The following NAV3 variants were observed in gnomAD, a reference collection of about 807,000 sequenced individuals.
The protein encoded by NAV3 is pore membrane and/or filament interacting like protein 1.
NAV3 carries 87 observed loss-of-function variants against 244.7 expected under a neutral mutation model. That is an observed-to-expected ratio of 0.36 (90% CI 0.30 to 0.42). The LOEUF is 0.42. Among genes scored for constraint, NAV3 ranks in the 20% least tolerant of loss-of-function variants. NAV3 has a pLI of 1.00. For synonymous variants in NAV3, 1,126 were observed against 1,042.2 expected, an observed-to-expected ratio of 1.08 and a Z score of -1.55; for missense variants, 2,663 against 2,893.3, an observed-to-expected ratio of 0.92 and a Z score of 1.83.
chr12:77,918,496 A>G (rs955891199), intron 1 of NAV3, among the ~76,000 whole-genome samples: 15 of 152,136 alleles, frequency 9.9e-5, no homozygotes, highest in African/African-American at 3.1e-4. Flanking sequence ...ATACAAACCC[A>G]AAACTCCATG....
intron 9 of NAV3, among the ~76,000 whole-genome samples, chr12:78,038,611 T>C (rs1253238216): frequency 1.3e-5 from 2 of 152,236 alleles, no homozygotes; most frequent in Non-Finnish European, 2.9e-5. Context: ...TGAATCTGAA[T>C]ACACCAGGTG....
At chr12:77,743,834 G>A (rs1422323605) in intron 2 of NAV3, among the ~76,000 whole-genome samples, 1 of 151,544 alleles carries the variant, frequency 6.6e-6, no homozygotes, top group Non-Finnish European at 1.5e-5. Context: ...CATTTGCTGT[G>A]GAAACAAGAA....
chr12:78,122,777 C>T (rs1262109334), intron 16 of NAV3, among the ~76,000 whole-genome samples: 1 of 152,060 alleles, frequency 6.6e-6, no homozygotes, highest in East Asian at 1.9e-4. Flanking sequence ...CTTATGATGA[C>T]TTAAGCATTT....
At chr12:78,159,330 A>G (rs1250858564) in intron 23 of NAV3, 44 bp downstream of exon 23, 2 of 1,470,920 alleles carry the variant, frequency 1.4e-6, no homozygotes, top group South Asian at 2.3e-5. Context: ...AAGACAGCAA[A>G]TTGCATAGGA....
At chr12:77,800,272 A>G (rs1040289540) in intron 2 of NAV3, among the ~76,000 whole-genome samples, 2 of 152,192 alleles carry the variant, frequency 1.3e-5, no homozygotes, top group African/African-American at 2.4e-5. Context: ...TTTAGAAATG[A>G]AAGTGTTCCT....
chr12:78,013,031 CA>C (rs202012722), intron 8 of NAV3, among the ~76,000 whole-genome samples: 3 of 151,120 alleles, frequency 2.0e-5, no homozygotes, highest in African/African-American at 7.3e-5. Context: ...TACACTGGAA[CA>C]AAAAAAAATT....
chr12:78,113,370 C>T (rs760250525), intron 12 of NAV3, among the ~76,000 whole-genome samples: 14 of 152,220 alleles, frequency 9.2e-5, no homozygotes, highest in Non-Finnish European at 1.9e-4. Context: ...CAGAGGTTCA[C>T]CATGAGGGCT....
At chr12:77,663,803 G>A (rs1238374617) in intron 2 of NAV3, among the ~76,000 whole-genome samples, 1 of 152,190 alleles carries the variant, frequency 6.6e-6, no homozygotes, top group Non-Finnish European at 1.5e-5. Context: ...TTACAGGCGT[G>A]AGCCACCACT....
intron 1 of NAV3, among the ~76,000 whole-genome samples, chr12:77,844,098 C>G (rs1168030971): frequency 6.6e-6 from 1 of 152,160 alleles, no homozygotes; most frequent in Non-Finnish European, 1.5e-5. Context: ...TGACAAAATA[C>G]TACAGACTGG....
chr12:77,622,885 A>G (rs1871442939), intron 2 of NAV3, among the ~76,000 whole-genome samples: 1 of 152,218 alleles, frequency 6.6e-6, no homozygotes, highest in Admixed American at 6.5e-5. Context: ...GACTAGATGC[A>G]GAGGTACCAA....
At position 78,006,800 on chromosome 12, in the gene NAV3, G is replaced by A. The variant is rs1874305561; in HGVS notation, c.1262G>A (p.Gly421Asp). The change falls in exon 8 of 40, where the codon GGT (glycine) becomes GAT (aspartate). Residue 421 changes from glycine (G) to aspartate (D), a missense_variant. Gly to Asp is a moderately conservative substitution (Grantham distance 94, BLOSUM62 -1). Transcript: ENST00000397909. The part of the protein sequence containing the change: ...GKDDDAFSES[G>D]EMEGFNSGLN... ...GATGATGATGCCTTTTCTGAATCTG[G>A]TGAAATGGAAGGTTTTAACAGTGGT... 6.2e-7 allele frequency: 1 copy of A among 1,614,178 alleles called. No individual in the cohort carries two copies. Among genetic ancestry groups the A allele is most frequent in the South Asian group, 1.1e-5 (1 of 91,088 alleles).
At chr12:78,056,467 G>A (rs146449466) in intron 11 of NAV3, 2 of 152,388 alleles carry the variant, frequency 1.3e-5, no homozygotes, top group East Asian at 3.9e-4. Flanking sequence ...GGTGGCTCAT[G>A]CCTGTAATCC....
At chr12:77,888,727 G>A (rs973468409) in intron 1 of NAV3, among the ~76,000 whole-genome samples, 4 of 152,136 alleles carry the variant, frequency 2.6e-5, no homozygotes, top group African/African-American at 9.7e-5. Context: ...TGACCTGTAT[G>A]TATTAAGCAT....
Position 78,018,952 on chromosome 12 carries a change from G to C in NAV3, c.1908-2795G>C, listed in dbSNP as rs572589159. On this transcript the variant is annotated intron_variant, in intron 8 of 39. Coordinates refer to ENST00000397909, the MANE Select transcript of NAV3 (RefSeq NM_001024383.2). ...TTAGTAGACTTTAGAAACGAATGGG[G>C]AGGGACTGTCAGTAGATGGGGGATA... Among the ~76,000 whole-genome samples the C allele has an allele frequency of 4.3e-4, 65 of 152,218 alleles. 1 individual carries two copies. In the South Asian group the frequency reaches 0.013, roughly 31 times the overall value.
chr12:78,008,219 T>TG (rs1874582185), intron 8 of NAV3, among the ~76,000 whole-genome samples: 1 of 152,176 alleles, frequency 6.6e-6, no homozygotes, highest in South Asian at 2.1e-4. Flanking sequence ...ATTACTGATT[T>TG]GTTTTTTTTT....
chr12:77,987,525 T>C (rs1245097082), intron 5 of NAV3, among the ~76,000 whole-genome samples: 1 of 152,186 alleles, frequency 6.6e-6, no homozygotes, highest in East Asian at 1.9e-4. Flanking sequence ...ATTCTATTCT[T>C]GGAACAATTT....
intron 2 of NAV3, among the ~76,000 whole-genome samples, chr12:77,698,241 C>G (rs77781810): frequency 3.9e-5 from 6 of 152,066 alleles, no homozygotes; most frequent in Non-Finnish European, 7.4e-5. Context: ...TCAACCACAG[C>G]GTTAATATCT....
rs1875723194 is a variant in NAV3 at position 77,704,898 on chromosome 12, G to A, written c.72+132632G>A. Among the ~76,000 whole-genome samples the A allele has an allele frequency of 2.0e-5, 3 of 152,226 alleles. 1 individual carries two copies. The highest frequency in any genetic ancestry group is 2.0e-4 in the Admixed American group (3 of 15,288). On this transcript the variant is annotated intron_variant, in intron 2 of 8. Transcript: ENST00000550042. ...CCACTTCACTGTGGGTTTCCCCTAG[G>A]ATATTGGAATTTCAAATCTAGTTTA...
At chr12:78,105,796 A>T (rs952832319) in intron 12 of NAV3, among the ~76,000 whole-genome samples, 1 of 151,794 alleles carries the variant, frequency 6.6e-6, no homozygotes, top group Non-Finnish European at 1.5e-5. Context: ...TCTTGTCCTG[A>T]GAACCAAAAT....
Sources: allele counts gnomAD v4.1 joint callset (sites outside exome capture counted in the v4.1 genomes callset), GRCh38; gene constraint gnomAD v4.1.1; transcripts MANE v1.5; gene names NCBI Gene and HGNC (gene_info 2026-07-23, HGNC 2026-07-21).